Variants in CAPN15 observed in about 807,000 individuals in gnomAD.
CAPN15 encodes the protein calpain 15.
Under a neutral mutation model 97.9 loss-of-function variants are expected in CAPN15, and 53 were observed. The observed-to-expected ratio is 0.54, with a 90% confidence interval of 0.43 to 0.68. The LOEUF (loss-of-function observed/expected upper bound fraction) is 0.68. CAPN15 is among the 30% of genes least tolerant of loss of function. CAPN15 has a pLI of 0.00. For synonymous variants in CAPN15, 922 were observed against 722.5 expected, an observed-to-expected ratio of 1.28 and a Z score of -4.43; for missense variants, 1,592 against 1,589.8, an observed-to-expected ratio of 1.00 and a Z score of -0.02.
At position 543,539 on chromosome 16, in the gene CAPN15, C is replaced by G. The variant is rs530265207; in HGVS notation, c.-22-3278C>G. Among the ~76,000 whole-genome samples, 229 of 152,256 alleles carry G rather than the reference C, an allele frequency of 1.5e-3. 1 individual carries two copies. The highest frequency in any genetic ancestry group is 2.6e-3 in the Non-Finnish European group (179 of 67,988). On this transcript the variant is annotated intron_variant, in intron 3 of 13. Coordinates refer to ENST00000219611, the MANE Select transcript of CAPN15 (RefSeq NM_005632.3). ...ACCCTGGCCTCCTGCCTGGCCCTCCCCTGGGTCGGCATCCCTGGGGCCACT... is the reference window on the plus strand; with the variant it reads ...ACCCTGGCCTCCTGCCTGGCCCTCCGCTGGGTCGGCATCCCTGGGGCCACT...
intron 3 of CAPN15, chr16:537,098 A>G (rs1430343497): frequency 1.0e-6 from 1 of 974,754 alleles, no homozygotes; most frequent in Non-Finnish European, 1.2e-6. Flanking sequence ...CCAGCTGTCC[A>G]GCCTCTGTGA....
At chr16:534,141 C>G (rs2033478473) in intron 2 of CAPN15, 143 bp downstream of exon 2, 1 of 85,782 alleles carries the variant, frequency 1.2e-5, no homozygotes, top group Non-Finnish European at 1.4e-5. Context: ...GGCCGGCAGC[C>G]CTGCCTGCCC....
At chr16:531,980 C>T (rs961756859) in intron 1 of CAPN15, among the ~76,000 whole-genome samples, 4 of 152,176 alleles carry the variant, frequency 2.6e-5, no homozygotes, top group African/African-American at 7.2e-5. Context: ...TGGCTGACAC[C>T]TGTAATCCCA....
chr16:534,596 G>T (rs920848491), intron 2 of CAPN15, among the ~76,000 whole-genome samples: 1 of 152,218 alleles, frequency 6.6e-6, no homozygotes, highest in South Asian at 2.1e-4. Context: ...CTTAGCGTCA[G>T]TGGGGACAAA....
In CAPN15 at chr16:546,808, C is replaced by A; in HGVS notation, c.-22-9C>A. 1 of 1,570,914 alleles carries A rather than the reference C, an allele frequency of 6.4e-7. No homozygotes were observed. Among genetic ancestry groups the A allele is most frequent in the Non-Finnish European group, 8.7e-7 (1 of 1,155,924 alleles). Reference sequence around the variant, plus strand: ...ACAGGGTGGCCCTGATGAGCACCTTCCCTTGCAGCCACACCCACTCGCCCG... The same window carrying A: ...ACAGGGTGGCCCTGATGAGCACCTTACCTTGCAGCCACACCCACTCGCCCG... On this transcript the variant is annotated splice_polypyrimidine_tract_variant and intron_variant, in intron 3 of 13. Coordinates refer to ENST00000219611, the MANE Select transcript of CAPN15 (RefSeq NM_005632.3).
At chr16:541,575 A>G (rs910970358) in intron 3 of CAPN15, among the ~76,000 whole-genome samples, 4 of 152,222 alleles carry the variant, frequency 2.6e-5, no homozygotes, top group Non-Finnish European at 5.9e-5. Flanking sequence ...CCCAGTGAGC[A>G]TCTCCACGTG....
intron 3 of CAPN15, among the ~76,000 whole-genome samples, chr16:542,085 C>T (rs1273256464): frequency 1.3e-5 from 2 of 152,202 alleles, no homozygotes; most frequent in Admixed American, 6.5e-5. Flanking sequence ...CGTGGGGCCC[C>T]GTGTCTGGCC....
intron 1 of CAPN15, among the ~76,000 whole-genome samples, chr16:530,411 A>T (rs1352197744): frequency 6.6e-6 from 1 of 151,982 alleles, no homozygotes; most frequent in African/African-American, 2.4e-5. Flanking sequence ...GCCCAGGGGG[A>T]CTCCTGCGTG....
At chr16:539,931 C>G in intron 3 of CAPN15, 4 of 289,822 alleles carry the variant, frequency 1.4e-5, no homozygotes, top group Non-Finnish European at 2.1e-5. Context: ...CCTGTGGGTG[C>G]CGAAGTCGGG....
chr16:551,072 T>TCCCCGGTCGGTGAGGG (rs1567157705), intron 7 of CAPN15, among the ~76,000 whole-genome samples: 1 of 9,252 alleles, frequency 1.1e-4, no homozygotes, highest in African/African-American at 4.9e-4. Context: ...GTCGGTGAGG[T>TCCCCGGTCGGTGAGGG]CCCCGGTCGG....
chr16:534,845 T>C (rs1192341259), intron 2 of CAPN15, among the ~76,000 whole-genome samples: 4 of 152,192 alleles, frequency 2.6e-5, no homozygotes, highest in Non-Finnish European at 5.9e-5. Context: ...GGCATCCTTG[T>C]TGGGGTCGCT....
chr16:553,258 C>A, intron 13 of CAPN15, 81 bp from the exon 14 acceptor site: 1 of 993,522 alleles, frequency 1.0e-6, no homozygotes, highest in South Asian at 1.5e-5. Context: ...CACTCCTGCT[C>A]CTGCCCCTGT....
rs1294197746 is a variant in CAPN15, at chr16:552,660, G to A, written c.2793G>A (p.Val931=). Residue 931 remains valine (V), a synonymous_variant, in exon 12 of 14, where the codon GTG becomes GTA. Transcript: ENST00000219611. The surrounding 1 kb of genome is among the most constrained non-coding windows in gnomAD (Gnocchi z 6.4). ...PRASPEPPGH[V]LAVYSSRLVM... The stretch of plus-strand genomic sequence containing the variant: ...CCTCCCCAGAGCCGCCGGGCCACGT[G>A]CTGGCTGTGTACAGCTCGAGGCTGG... The A allele has an allele frequency of 6.5e-7, 1 of 1,540,882 alleles. No individual in the cohort carries two copies. The highest frequency in any genetic ancestry group is 8.7e-7 in the Non-Finnish European group (1 of 1,144,232).
Position 547,023 on chromosome 16 carries a change from A to T in CAPN15, c.185A>T (p.Glu62Val). 1 of 1,609,814 alleles carries T rather than the reference A, an allele frequency of 6.2e-7. No homozygotes were observed. Reference protein sequence around the residue: ...RCTFRNFLGKEACEVCGFTPE... With the variant: ...RCTFRNFLGKVACEVCGFTPE... ...ACCTTCCGCAACTTCCTGGGCAAGGAGGCCTGCGAGGTGTGCGGCTTCACC... is the reference window on the plus strand; with the variant it reads ...ACCTTCCGCAACTTCCTGGGCAAGGTGGCCTGCGAGGTGTGCGGCTTCACC... Residue 62 changes from glutamate (E) to valine (V), a missense_variant, in exon 4 of 14, where the codon GAG becomes GTG. By Grantham distance (121) the Glu-to-Val change is moderately radical. This residue lies in a region of CAPN15 where 883 missense variants were observed against 776.6 expected (regional missense o/e 1.14). Transcript: ENST00000219611.
chr16:548,713 G>C (rs2034780476), intron 4 of CAPN15, among the ~76,000 whole-genome samples: 2 of 152,234 alleles, frequency 1.3e-5, no homozygotes, highest in Non-Finnish European at 1.5e-5. Flanking sequence ...CCCCAGCAGG[G>C]CCAGGGCCAG....
intron 9 of CAPN15, 169 bp downstream of exon 9, chr16:551,833 C>T: frequency 9.7e-7 from 1 of 1,027,632 alleles, no homozygotes; most frequent in Non-Finnish European, 1.5e-6. Flanking sequence ...GAATTCAGGT[C>T]CACCCAGGTC....
Position 548,052 on chromosome 16 carries a change from C to T in CAPN15, c.1214C>T (p.Ala405Val). 6.5e-7 allele frequency: 1 copy of T among 1,550,026 alleles called. No homozygotes were observed. Reference protein sequence around the residue: ...SCGRVSSAQKAARVLPERPGQ... With the variant: ...SCGRVSSAQKVARVLPERPGQ... ...GGACGGGTGTCCTCGGCCCAGAAGG[C>T]CGCCCGCGTCCTGCCCGAGCGCCCG... is the stretch of plus-strand genomic sequence containing the variant. Residue 405 changes from alanine (A) to valine (V), a missense_variant, in exon 4 of 14, where the codon GCC becomes GTC. Coordinates refer to ENST00000219611, the MANE Select transcript of CAPN15 (RefSeq NM_005632.3).
intron 4 of CAPN15, 63 bp from the exon 5 acceptor site, chr16:548,930 G>GTCCCT: frequency 5.3e-6 from 8 of 1,508,998 alleles, no homozygotes; most frequent in Non-Finnish European, 6.4e-6. Context: ...GTGGGGTCTT[G>GTCCCT]TCCCTGCCAG....
At chr16:546,013 G>A (rs564393841) in intron 3 of CAPN15, among the ~76,000 whole-genome samples, 26 of 152,360 alleles carry the variant, frequency 1.7e-4, no homozygotes, top group Non-Finnish European at 8.8e-5. Flanking sequence ...GAAGCCCGCT[G>A]TTAGAGCAGA....
Sources: gnomAD v4.1 joint callset for allele counts (sites outside exome capture counted in the v4.1 genomes callset) on GRCh38, gnomAD v4.1.1 for gene constraint, gnomAD v4.1.1 regional missense constraint, Gnocchi (gnomAD v3.1) non-coding constraint, MANE v1.5 for transcripts, NCBI Gene and HGNC (gene_info 2026-07-23, HGNC 2026-07-21) for gene names.